FANK1: variants seen among roughly 807,000 people sequenced by gnomAD.
The protein encoded by FANK1 is fibronectin type 3 and ankyrin repeat domains protein 1.
Under a neutral mutation model 45.3 loss-of-function variants are expected in FANK1, and 44 were observed. That is an observed-to-expected ratio of 0.97 (90% CI 0.76 to 1.25). FANK1 has a LOEUF of 1.25. Among genes scored for constraint, FANK1 ranks in the 50% most tolerant of loss-of-function variants. The probability of loss-of-function intolerance (pLI) is 0.00; values close to 1 mark genes in which losing one functional copy is unlikely to be tolerated. For missense variants in FANK1, 391 were observed against 424.4 expected (o/e 0.92, Z 0.69); for synonymous variants, 149 against 152.5 (o/e 0.98, Z 0.17).
At chr10:125,997,319 G>C in intron 5 of FANK1, 101 bp from the exon 6 acceptor site, 1 of 862,494 alleles carries the variant, frequency 1.2e-6, no homozygotes, top group African/African-American at 1.7e-5. Flanking sequence ...ACTGTTGAAA[G>C]ATACATCTTG....
At chr10:125,937,107 A>G (rs896000954) in intron 1 of FANK1, among the ~76,000 whole-genome samples, 1 of 152,154 alleles carries the variant, frequency 6.6e-6, no homozygotes, top group African/African-American at 2.4e-5. Flanking sequence ...TGAGCATTCT[A>G]GTACATGTTT....
intron 1 of FANK1, among the ~76,000 whole-genome samples, chr10:125,958,168 G>A (rs918181176): frequency 6.6e-6 from 1 of 152,030 alleles, no homozygotes; most frequent in Admixed American, 6.6e-5. Context: ...CTGTAATTTT[G>A]TATCCTTTAG....
intron 3 of FANK1, among the ~76,000 whole-genome samples, chr10:125,989,782 G>T (rs964936304): frequency 2.0e-5 from 3 of 152,232 alleles, no homozygotes; most frequent in Non-Finnish European, 4.4e-5. Flanking sequence ...AGAAAGCAAA[G>T]ACAGCAGAAC....
chr10:125,931,967 T>C (rs7095925), intron 1 of FANK1, among the ~76,000 whole-genome samples: 115,990 of 152,104 alleles, frequency 0.76, 44,590 homozygotes, highest in South Asian at 0.8. Flanking sequence ...AAAGGGTGTC[T>C]TTTCCCCACT....
intron 1 of FANK1, among the ~76,000 whole-genome samples, chr10:125,952,053 T>C (rs988356256): frequency 6.6e-6 from 1 of 152,234 alleles, no homozygotes; most frequent in Admixed American, 6.5e-5. Flanking sequence ...TCAGACTTTG[T>C]GGGGACAAGA....
chr10:125,936,965 G>A (rs1200234973), intron 1 of FANK1, among the ~76,000 whole-genome samples: 1 of 152,068 alleles, frequency 6.6e-6, no homozygotes, highest in Admixed American at 6.5e-5. Context: ...TACTCCGGAG[G>A]CTGAGGCAGG....
intron 1 of FANK1, among the ~76,000 whole-genome samples, chr10:125,964,404 G>C (rs1003798971): frequency 2.0e-5 from 3 of 151,902 alleles, no homozygotes; most frequent in Admixed American, 1.3e-4. Flanking sequence ...TGTTGGCCAG[G>C]CTGGTCTTGA....
chr10:125,934,351 T>G (rs1186855893), intron 1 of FANK1, among the ~76,000 whole-genome samples: 1 of 152,204 alleles, frequency 6.6e-6, no homozygotes, highest in Non-Finnish European at 1.5e-5. Flanking sequence ...AATATATCCC[T>G]AAACACGTAT....
At chr10:125,915,632 T>C (rs1410834001) in intron 1 of FANK1, among the ~76,000 whole-genome samples, 1 of 152,148 alleles carries the variant, frequency 6.6e-6, no homozygotes, top group Non-Finnish European at 1.5e-5. Context: ...CTGAGCAACA[T>C]AGACCCTGTC....
intron 6 of FANK1, among the ~76,000 whole-genome samples, chr10:126,003,822 C>T (rs2090249): frequency 0.35 from 53,479 of 151,780 alleles, 9,904 homozygotes; most frequent in South Asian, 0.45. Context: ...ATTATAGGCT[C>T]TTGCCACCAC....
intron 2 of FANK1, 89 bp from the exon 3 acceptor site, chr10:125,988,462 A>G: frequency 6.6e-7 from 1 of 1,521,918 alleles, no homozygotes; most frequent in Non-Finnish European, 8.9e-7. Context: ...TAGAAGGAAA[A>G]TCACTTCCAC....
chr10:125,988,024 A>C (rs1232749467), intron 2 of FANK1, among the ~76,000 whole-genome samples: 1 of 152,188 alleles, frequency 6.6e-6, no homozygotes, highest in East Asian at 1.9e-4. Context: ...TGATGTTAGC[A>C]TTGTCTTCTA....
At chr10:125,912,543 T>G (rs1184004437) in intron 1 of FANK1, among the ~76,000 whole-genome samples, 2 of 150,442 alleles carry the variant, frequency 1.3e-5, no homozygotes, top group African/African-American at 5.0e-5. Context: ...GTCAGCAACT[T>G]CAATTCATTG....
rs759708747 is a variant in FANK1 at position 126,009,455 on chromosome 10, C to T, written c.*17C>T. 6.2e-7 allele frequency: 1 copy of T among 1,611,544 alleles called. No homozygotes were observed. Among genetic ancestry groups the T allele is most frequent in the Non-Finnish European group, 8.5e-7 (1 of 1,179,428 alleles). On this transcript the variant is annotated 3_prime_UTR_variant, in exon 11 of 11. Coordinates refer to ENST00000368693, the MANE Select transcript of FANK1 (RefSeq NM_145235.5). Reference sequence around the variant, plus strand: ...GTCTGCTGATGAGAGCACCACTCATCTGCGAAACGCACGTAAAACAAAGTG... The same window carrying T: ...GTCTGCTGATGAGAGCACCACTCATTTGCGAAACGCACGTAAAACAAAGTG...
Position 125,925,789 on chromosome 10 carries a change from A to G in FANK1, c.13+29134A>G, listed in dbSNP as rs1476479646. Among the ~76,000 whole-genome samples the G allele has an allele frequency of 2.0e-5, 3 of 149,384 alleles. 1 individual carries two copies. Among genetic ancestry groups the G allele is most frequent in the African/African-American group, 7.7e-5 (3 of 38,776 alleles). Reference sequence around the variant, plus strand: ...AATAGCATGGAATGAGATTTTAACAATTTATCCATCTTTAACTGGATTACT... The same window carrying G: ...AATAGCATGGAATGAGATTTTAACAGTTTATCCATCTTTAACTGGATTACT... On this transcript the variant is annotated intron_variant, in intron 1 of 10. Coordinates refer to ENST00000368693, the MANE Select transcript of FANK1 (RefSeq NM_145235.5).
chr10:125,984,871 T>G (rs574019567), intron 2 of FANK1, among the ~76,000 whole-genome samples: 4 of 152,354 alleles, frequency 2.6e-5, no homozygotes, highest in Admixed American at 1.3e-4. Flanking sequence ...GATTCATTTA[T>G]TTTTTCAGCT....
At chr10:125,985,961 G>C (rs1951530749) in intron 2 of FANK1, among the ~76,000 whole-genome samples, 1 of 152,062 alleles carries the variant, frequency 6.6e-6, no homozygotes, top group Non-Finnish European at 1.5e-5. Flanking sequence ...TGCTTCCAAG[G>C]GAGGAGAAGC....
At chr10:126,009,326 C>G (rs377174003) in intron 10 of FANK1, 47 bp from the exon 11 acceptor site, 6 of 1,613,982 alleles carry the variant, frequency 3.7e-6, no homozygotes, top group Admixed American at 1.7e-5. Flanking sequence ...CTCAGAAAAA[C>G]CACCAAAACC....
chr10:125,898,734 T>G (rs1490579855), intron 1 of FANK1, among the ~76,000 whole-genome samples: 1 of 152,154 alleles, frequency 6.6e-6, no homozygotes, highest in East Asian at 1.9e-4. Context: ...GTATTACTTA[T>G]GTGAACTATA....
Sources: allele counts gnomAD v4.1 joint callset (sites outside exome capture counted in the v4.1 genomes callset), GRCh38; gene constraint gnomAD v4.1.1; transcripts MANE v1.5; gene names NCBI Gene and HGNC (gene_info 2026-07-23, HGNC 2026-07-21).